FUT8: variants seen among roughly 807,000 people sequenced by gnomAD.
The protein encoded by FUT8 is fucosyltransferase 8, also known as alpha-(1,6)-fucosyltransferase.
Under a neutral mutation model 71.3 loss-of-function variants are expected in FUT8, and 29 were observed. The ratio of observed to expected loss-of-function variants is 0.41; its 90% CI spans 0.30 to 0.55. The LOEUF (loss-of-function observed/expected upper bound fraction) is 0.55, where lower values mean the gene tolerates loss of function less well. Among genes scored for constraint, FUT8 ranks in the 20% least tolerant of loss-of-function variants. The pLI, the probability that FUT8 is intolerant of heterozygous loss-of-function variation, is 0.34. For missense variants in FUT8, 544 were observed against 702.1 expected (o/e 0.77, Z 2.55); for synonymous variants, 254 against 239.3 (o/e 1.06, Z -0.57).
chr14:65,650,849 G>A (rs1182756226), intron 6 of FUT8, among the ~76,000 whole-genome samples: 3 of 151,982 alleles, frequency 2.0e-5, no homozygotes, highest in African/African-American at 7.3e-5. Context: ...AGTGGACAGA[G>A]AGGGGGGAAA....
rs149776967 is a variant in FUT8, at chr14:65,614,801, C to G, written c.204-1177C>G. 1.8e-4 allele frequency among the ~76,000 whole-genome samples: 27 copies of G among 152,280 alleles called. No homozygotes were observed. In the East Asian group the frequency reaches 5.2e-3, roughly 29 times the overall value. ...ATCCTTAATTATATATTCAGAGTTT[C>G]TTTTGCCATAAAGAGTAATATTCAC... On this transcript the variant is annotated intron_variant, in intron 3 of 10. Transcript: ENST00000673929.
At chr14:65,732,656 C>T (rs1896032606) in intron 9 of FUT8, among the ~76,000 whole-genome samples, 1 of 152,094 alleles carries the variant, frequency 6.6e-6, no homozygotes, top group South Asian at 2.1e-4. Context: ...CTTTCTATTA[C>T]TGTTATTAGG....
At chr14:65,534,899 T>G (rs1313478194) in intron 2 of FUT8, among the ~76,000 whole-genome samples, 1 of 151,784 alleles carries the variant, frequency 6.6e-6, no homozygotes, top group Admixed American at 6.6e-5. Flanking sequence ...TTTTGGATGA[T>G]TTTTTGTGTG....
rs1222232955 is a variant in FUT8 at position 65,721,904 on chromosome 14, A to G, written c.965A>G (p.Asp322Gly). 6.2e-7 allele frequency: 1 copy of G among 1,614,162 alleles called. No homozygotes were observed. Among genetic ancestry groups the G allele is most frequent in the Non-Finnish European group, 8.5e-7 (1 of 1,180,038 alleles). Reference sequence around the variant, plus strand: ...GATCGACTTGTACGAGTGCATGGTGACCCTGCAGTGTGGTGGGTGTCTCAG... The same window carrying G: ...GATCGACTTGTACGAGTGCATGGTGGCCCTGCAGTGTGGTGGGTGTCTCAG... ...LADRLVRVHG[D>G]PAVWWVSQFV... Residue 322 changes from aspartate to glycine, a missense_variant, in exon 8 of 11, where the codon GAC becomes GGC. Physicochemically the swap from Asp to Gly is moderately conservative, Grantham distance 94 (BLOSUM62 -1). Transcript: ENST00000673929.
chr14:65,444,034 C>G (rs554296422), intron 1 of FUT8, among the ~76,000 whole-genome samples: 2 of 152,156 alleles, frequency 1.3e-5, no homozygotes, highest in South Asian at 4.2e-4. Flanking sequence ...TCTCTTATTG[C>G]TTGAGAGGCC....
At chr14:65,526,421 C>A (rs1346610418) in intron 2 of FUT8, among the ~76,000 whole-genome samples, 1 of 152,074 alleles carries the variant, frequency 6.6e-6, no homozygotes, top group Admixed American at 6.5e-5. Context: ...CTTGGTAGAT[C>A]TTCCTCCATC....
intron 2 of FUT8, among the ~76,000 whole-genome samples, chr14:65,546,411 G>A (rs1884987548): frequency 6.6e-6 from 1 of 151,722 alleles, no homozygotes; most frequent in African/African-American, 2.4e-5. Context: ...GCCGAAAATA[G>A]AGTCATACAG....
intron 3 of FUT8, among the ~76,000 whole-genome samples, chr14:65,599,780 C>T (rs937408649): frequency 5.3e-5 from 8 of 152,174 alleles, no homozygotes; most frequent in Non-Finnish European, 1.0e-4. Context: ...TGAATTGGCA[C>T]ATAACCAAGG....
intron 7 of FUT8, among the ~76,000 whole-genome samples, chr14:65,701,708 T>G (rs1445182342): frequency 2.6e-5 from 4 of 152,228 alleles, no homozygotes; most frequent in Non-Finnish European, 5.9e-5. Flanking sequence ...CATCCACTAA[T>G]TGCTTTATAT....
intron 3 of FUT8, among the ~76,000 whole-genome samples, chr14:65,586,582 A>G (rs546877390): frequency 5.3e-5 from 8 of 152,350 alleles, no homozygotes; most frequent in Middle Eastern, 3.4e-3. Flanking sequence ...TAGCATGCCA[A>G]CAAAATTTGG....
At chr14:65,473,217 G>A (rs1566769510) in intron 2 of FUT8, among the ~76,000 whole-genome samples, 1 of 152,062 alleles carries the variant, frequency 6.6e-6, no homozygotes, top group African/African-American at 2.4e-5. Flanking sequence ...GTACTGTTAG[G>A]TTGGTCAGAC....
chr14:65,675,728 G>A (rs773150052), intron 7 of FUT8, among the ~76,000 whole-genome samples: 2 of 152,088 alleles, frequency 1.3e-5, no homozygotes, highest in Non-Finnish European at 2.9e-5. Flanking sequence ...GGTGGCTCAC[G>A]CCTGTAATCC....
intron 2 of FUT8, among the ~76,000 whole-genome samples, chr14:65,513,439 T>C (rs1195781732): frequency 6.6e-6 from 1 of 152,176 alleles, no homozygotes; most frequent in Admixed American, 6.5e-5. Flanking sequence ...CTTTAAGCAT[T>C]GGAAAGTCAT....
intron 9 of FUT8, among the ~76,000 whole-genome samples, chr14:65,724,989 G>A (rs993081654): frequency 2.6e-5 from 4 of 152,070 alleles, no homozygotes; most frequent in East Asian, 1.9e-4. Flanking sequence ...GAATGTAAAC[G>A]TTCAGTCGAT....
chr14:65,554,613 A>C (rs1208262878), intron 2 of FUT8, among the ~76,000 whole-genome samples: 2 of 152,052 alleles, frequency 1.3e-5, no homozygotes, highest in African/African-American at 4.8e-5. Flanking sequence ...AGATTGAGTC[A>C]GTCCAACAGT....
intron 2 of FUT8, among the ~76,000 whole-genome samples, chr14:65,521,185 A>C (rs1259870265): frequency 6.6e-6 from 1 of 152,022 alleles, no homozygotes; most frequent in Non-Finnish European, 1.5e-5. Context: ...GTGATATTCT[A>C]TTTTAAATGC....
intron 6 of FUT8, among the ~76,000 whole-genome samples, chr14:65,635,900 G>A (rs1028353503): frequency 6.6e-6 from 1 of 151,962 alleles, no homozygotes; most frequent in East Asian, 1.9e-4. Flanking sequence ...GACTAGTATC[G>A]AAAGGATTGG....
intron 7 of FUT8, among the ~76,000 whole-genome samples, chr14:65,682,889 TTAAGCTG>T (rs1893102271): frequency 6.6e-6 from 1 of 152,206 alleles, no homozygotes; most frequent in Non-Finnish European, 1.5e-5. Flanking sequence ...AAGTTATTTT[TTAAGCTG>T]TAAAAATGTG....
At chr14:65,367,035 G>A in the FUT8 span, among the ~76,000 whole-genome samples, 1 of 152,310 alleles carries the variant, frequency 6.6e-6, no homozygotes, top group Non-Finnish European at 1.5e-5. Flanking sequence ...CCTAAGGACT[G>A]CAACATCTCC....
Sources: allele counts gnomAD v4.1 joint callset (sites outside exome capture counted in the v4.1 genomes callset), GRCh38; gene constraint gnomAD v4.1.1; transcripts MANE v1.5; gene names NCBI Gene and HGNC (gene_info 2026-07-23, HGNC 2026-07-21).